The following PRR16 variants were observed in gnomAD, a reference collection of about 807,000 sequenced individuals.
The protein encoded by PRR16 is proline rich 16.
Under a neutral mutation model 18.2 loss-of-function variants are expected in PRR16, and 6 were observed. That is an observed-to-expected ratio of 0.33 (90% CI 0.18 to 0.65). The LOEUF (loss-of-function observed/expected upper bound fraction) is 0.65. PRR16 is among the 30% of genes least tolerant of loss of function. The pLI is 0.74. For missense variants in PRR16, 412 were observed against 376.6 expected, an observed-to-expected ratio of 1.09 and a Z score of -0.78; for synonymous variants, 151 against 147.8, an observed-to-expected ratio of 1.02 and a Z score of -0.16.
chr5:120,558,052 G>A (rs1851932), intron 1 of PRR16, among the ~76,000 whole-genome samples: 68,655 of 151,522 alleles, frequency 0.45, 16,079 homozygotes, highest in Middle Eastern at 0.54. Flanking sequence ...GGGTACATTA[G>A]ATGTTTTGAT....
At chr5:120,749,995 A>T in the PRR16 span, among the ~76,000 whole-genome samples, 2 of 152,198 alleles carry the variant, frequency 1.3e-5, no homozygotes, top group Non-Finnish European at 2.9e-5. Flanking sequence ...GAAGATTAGA[A>T]TATGTTTGAA....
intron 1 of PRR16, among the ~76,000 whole-genome samples, chr5:120,497,381 C>T (rs1287963832): frequency 1.6e-5 from 2 of 124,800 alleles, no homozygotes; most frequent in Non-Finnish European, 1.7e-5. Context: ...TTTTGATGAA[C>T]TGATTTTTTT....
chr5:120,486,220 G>A (rs571889103), intron 1 of PRR16, among the ~76,000 whole-genome samples: 1 of 152,188 alleles, frequency 6.6e-6, no homozygotes, highest in African/African-American at 2.4e-5. Flanking sequence ...CTGAAGAATC[G>A]CCACACTGAC....
chr5:120,703,226 G>A, the PRR16 span, among the ~76,000 whole-genome samples: 1,031 of 152,244 alleles, frequency 6.8e-3, 2 homozygotes, highest in Non-Finnish European at 9.6e-3. Flanking sequence ...ATTTTCACAA[G>A]GTAATGTCAT....
the PRR16 span, among the ~76,000 whole-genome samples, chr5:120,753,856 T>C: frequency 9.8e-6 from 1 of 101,572 alleles, no homozygotes; most frequent in Admixed American, 1.4e-4. Context: ...ATATTATATA[T>C]AATATCTTAT....
intron 1 of PRR16, among the ~76,000 whole-genome samples, chr5:120,475,638 G>C (rs1749417504): frequency 6.6e-6 from 1 of 152,088 alleles, no homozygotes; most frequent in Non-Finnish European, 1.5e-5. Flanking sequence ...TCTGGAGCCT[G>C]AGCTGGGAGG....
intron 1 of PRR16, among the ~76,000 whole-genome samples, chr5:120,681,374 A>T (rs1756968641): frequency 6.6e-6 from 1 of 152,198 alleles, no homozygotes; most frequent in African/African-American, 2.4e-5. Context: ...TCAGTATCAG[A>T]TAGATAATAA....
At position 120,552,576 on chromosome 5, in the gene PRR16, G is replaced by A. The variant is rs551739885; in HGVS notation, c.159+87931G>A. Among the ~76,000 whole-genome samples, 5 of 151,912 alleles carry A rather than the reference G, an allele frequency of 3.3e-5. No homozygotes were observed. In the East Asian group the frequency reaches 7.7e-4, roughly 24 times the overall value. ...TCTAGCTTGTTCTGAAAAAACTGAC[G>A]TAGTTGTTTGTTTTTAGCCAAAAAC... On this transcript the variant is annotated intron_variant, in intron 1 of 1. Transcript: ENST00000407149.
chr5:120,734,472 A>C, the PRR16 span, among the ~76,000 whole-genome samples: 2 of 152,214 alleles, frequency 1.3e-5, no homozygotes, highest in Non-Finnish European at 2.9e-5. Flanking sequence ...CTTAGTAAAA[A>C]AATGTTATTT....
intron 1 of PRR16, among the ~76,000 whole-genome samples, chr5:120,679,957 A>T (rs776354953): frequency 2.0e-5 from 3 of 152,138 alleles, no homozygotes; most frequent in Non-Finnish European, 2.9e-5. Flanking sequence ...ATAATATTGT[A>T]TTGTATTCAG....
At chr5:120,659,654 C>T (rs1430704753) in intron 1 of PRR16, among the ~76,000 whole-genome samples, 2 of 151,904 alleles carry the variant, frequency 1.3e-5, no homozygotes, top group East Asian at 3.9e-4. Flanking sequence ...CTTTTTCTTT[C>T]ATCTTCTGGG....
chr5:120,725,283 T>G, the PRR16 span, among the ~76,000 whole-genome samples: 1 of 147,132 alleles, frequency 6.8e-6, no homozygotes, highest in African/African-American at 2.5e-5. Flanking sequence ...GAACTCCTTG[T>G]GGTTGTAAAT....
chr5:120,646,313 G>A (rs1407254587), intron 1 of PRR16, among the ~76,000 whole-genome samples: 3 of 151,688 alleles, frequency 2.0e-5, no homozygotes, highest in Non-Finnish European at 2.9e-5. Flanking sequence ...AATTTCATAA[G>A]GACAGGAATA....
chr5:120,532,383 G>T (rs948480329), intron 1 of PRR16, among the ~76,000 whole-genome samples: 7 of 151,842 alleles, frequency 4.6e-5, no homozygotes, highest in Non-Finnish European at 8.8e-5. Context: ...AAGTTTATGG[G>T]CTAGCTTTTA....
intron 1 of PRR16, among the ~76,000 whole-genome samples, chr5:120,506,877 T>A (rs766176305): frequency 6.6e-6 from 1 of 152,046 alleles, no homozygotes; most frequent in Non-Finnish European, 1.5e-5. Context: ...TCCCATTTGT[T>A]CCCATCTTAT....
intron 1 of PRR16, among the ~76,000 whole-genome samples, chr5:120,618,974 A>G (rs1201834867): frequency 1.3e-5 from 2 of 151,990 alleles, no homozygotes; most frequent in African/African-American, 4.8e-5. Context: ...AAGTCAGAAC[A>G]AAAAGTGCTG....
At chr5:120,492,717 C>T (rs749643735) in intron 1 of PRR16, among the ~76,000 whole-genome samples, 5 of 152,140 alleles carry the variant, frequency 3.3e-5, no homozygotes, top group Non-Finnish European at 5.9e-5. Flanking sequence ...TGCCCCTTGA[C>T]ATCGCCCATG....
At chr5:120,757,812 TATACTCAAA>T in the PRR16 span, among the ~76,000 whole-genome samples, 9,933 of 152,104 alleles carry the variant, frequency 0.065, 462 homozygotes, top group Middle Eastern at 0.099. Context: ...TAGTGACTGA[TATACTCAAA>T]ATGAAGGTGA....
At chr5:120,553,615 A>G (rs1393323292) in intron 1 of PRR16, among the ~76,000 whole-genome samples, 1 of 151,824 alleles carries the variant, frequency 6.6e-6, no homozygotes, top group Non-Finnish European at 1.5e-5. Context: ...TGAGTGAATC[A>G]TTTTCAAAAG....
Sources: gnomAD v4.1 joint callset for allele counts (sites outside exome capture counted in the v4.1 genomes callset) on GRCh38, gnomAD v4.1.1 for gene constraint, MANE v1.5 for transcripts, NCBI Gene and HGNC (gene_info 2026-07-23, HGNC 2026-07-21) for gene names.